Variants in CYP46A1 observed in about 807,000 individuals in gnomAD.
CYP46A1 encodes the protein cytochrome P450 family 46 subfamily A member 1, also known as cholesterol 24-hydroxylase.
CYP46A1 carries 20 observed loss-of-function variants against 63.3 expected under a neutral mutation model. The ratio of observed to expected loss-of-function variants is 0.32; its 90% CI spans 0.22 to 0.46. The LOEUF is 0.46. Among genes scored for constraint, CYP46A1 ranks in the 20% least tolerant of loss-of-function variants. The probability of loss-of-function intolerance (pLI) is 1.00; values close to 1 mark genes in which losing one functional copy is unlikely to be tolerated. For missense variants in CYP46A1, 445 were observed against 670.8 expected, an observed-to-expected ratio of 0.66 and a Z score of 3.72; for synonymous variants, 268 against 273.6, an observed-to-expected ratio of 0.98 and a Z score of 0.20.
intron 7 of CYP46A1, among the ~76,000 whole-genome samples, chr14:99,715,470 G>A (rs1165757116): frequency 3.9e-5 from 6 of 152,066 alleles, no homozygotes; most frequent in African/African-American, 1.4e-4. Flanking sequence ...GCAGTTGATC[G>A]CACTCTACTT....
At chr14:99,704,616 A>G (rs560340682) in intron 5 of CYP46A1, among the ~76,000 whole-genome samples, 1 of 152,374 alleles carries the variant, frequency 6.6e-6, no homozygotes, top group African/African-American at 2.4e-5. Flanking sequence ...TTTCTACAAT[A>G]GCTGCAAGAG....
chr14:99,704,575 A>G (rs1219419577), intron 5 of CYP46A1, among the ~76,000 whole-genome samples: 1 of 152,168 alleles, frequency 6.6e-6, no homozygotes, highest in East Asian at 1.9e-4. Context: ...TCAGGATTTT[A>G]TTGTTCACCT....
chr14:99,722,079 C>G lies in CYP46A1; in HGVS notation c.1176+13C>G. ...CACCCCGCTCTTGGTGGGTGGAGGC[C>G]CTGGGGGTCCTGGGGTGGGCTGGGC... On this transcript the variant is annotated intron_variant, in intron 12 of 14. Coordinates refer to ENST00000261835, the MANE Select transcript of CYP46A1 (RefSeq NM_006668.2). This position sits in a 1 kb window ranked among gnomAD's most constrained non-coding sequence, Gnocchi z 4.6. 3 of 1,594,176 alleles carry G rather than the reference C, an allele frequency of 1.9e-6. No homozygotes were observed. Among genetic ancestry groups the G allele is most frequent in the Non-Finnish European group, 2.6e-6 (3 of 1,165,710 alleles).
intron 1 of CYP46A1, among the ~76,000 whole-genome samples, chr14:99,688,705 T>C (rs1360434823): frequency 6.6e-6 from 1 of 152,178 alleles, no homozygotes; most frequent in Non-Finnish European, 1.5e-5. Context: ...CCGCCCCCTA[T>C]GGTAACCCAC....
intron 2 of CYP46A1, 74 bp downstream of exon 2, chr14:99,691,235 C>T: frequency 7.0e-7 from 1 of 1,426,138 alleles, no homozygotes; most frequent in Non-Finnish European, 9.9e-7. Context: ...CAATCCAGCA[C>T]ACAGACTCCC....
At chr14:99,718,531 C>G (rs2056814323) in intron 10 of CYP46A1, among the ~76,000 whole-genome samples, 1 of 152,204 alleles carries the variant, frequency 6.6e-6, no homozygotes, top group African/African-American at 2.4e-5. Context: ...GAGGATGGAG[C>G]AGAATCCCTG....
At chr14:99,697,254 G>A (rs2056594743) in intron 3 of CYP46A1, among the ~76,000 whole-genome samples, 1 of 152,004 alleles carries the variant, frequency 6.6e-6, no homozygotes. Context: ...CTTCTCCCTG[G>A]TACTTTGTCC....
intron 7 of CYP46A1, chr14:99,712,650 CACAA>C (rs1326945830): frequency 6.6e-6 from 1 of 152,092 alleles, no homozygotes; most frequent in Admixed American, 6.6e-5. Flanking sequence ...TTGAAGAAGA[CACAA>C]ACAAATGAAA....
At position 99,726,267 on chromosome 14, in the gene CYP46A1, C is replaced by G. The variant is rs1170962113; in HGVS notation, c.1332+11C>G. 1 of 1,612,510 alleles carries G rather than the reference C, an allele frequency of 6.2e-7. No individual in the cohort carries two copies. The highest frequency in any genetic ancestry group is 8.5e-7 in the Non-Finnish European group (1 of 1,179,704). ...CAGCAGTTTGCTCAGGTAGGAGGGG[C>G]AGGGCTGTGGTTCTGCCCAGGAGTA... On this transcript the variant is annotated intron_variant, in intron 14 of 14. Coordinates refer to ENST00000261835, the MANE Select transcript of CYP46A1 (RefSeq NM_006668.2).
chr14:99,703,927 A>T, intron 5 of CYP46A1: 1 of 970,954 alleles, frequency 1.0e-6, no homozygotes, highest in East Asian at 1.1e-4. Flanking sequence ...TTATTTAAGA[A>T]ATACTTATTG....
rs892620906 is a variant in CYP46A1 at position 99,700,175 on chromosome 14, T to C, written c.443+74T>C. On this transcript the variant is annotated intron_variant, in intron 5 of 14. Transcript: ENST00000261835. ...GGGGCTGCCGAAGTGTAGGTGGGCCTTGGGGAGGGAAGTGTCCACCCAAGG... is the reference window on the plus strand; with the variant it reads ...GGGGCTGCCGAAGTGTAGGTGGGCCCTGGGGAGGGAAGTGTCCACCCAAGG... 4.9e-6 allele frequency: 6 copies of C among 1,227,588 alleles called. No homozygotes were observed. The African/African-American group carries it at 9.1e-5, about 19-fold the overall frequency. The allele number at this position is 1,227,588 out of a possible 1,614,324, so 76.0% of individuals were successfully genotyped here.
At chr14:99,698,158 G>A (rs747594686) in intron 3 of CYP46A1, among the ~76,000 whole-genome samples, 4 of 152,016 alleles carry the variant, frequency 2.6e-5, no homozygotes, top group African/African-American at 9.7e-5. Flanking sequence ...TGGGTTAACC[G>A]ATAGTTGAGT....
At position 99,726,552 on chromosome 14, in the gene CYP46A1, C is replaced by T. The variant is rs913261185; in HGVS notation, c.1333-5C>T. ...TTCCTTCCTCATTTTGCCCGCTGGGCCCAGATGGAGGTGAAGGTGGTCATG... is the reference window on the plus strand; with the variant it reads ...TTCCTTCCTCATTTTGCCCGCTGGGTCCAGATGGAGGTGAAGGTGGTCATG... On this transcript the variant is annotated splice_region_variant and splice_polypyrimidine_tract_variant and intron_variant, in intron 14 of 14. Coordinates refer to ENST00000261835, the MANE Select transcript of CYP46A1 (RefSeq NM_006668.2). 1.3e-5 allele frequency: 20 copies of T among 1,571,270 alleles called. No homozygotes were observed. The Admixed American group carries it at 2.4e-4, about 19-fold the overall frequency.
At chr14:99,720,965 A>G (rs1470762937) in intron 10 of CYP46A1, among the ~76,000 whole-genome samples, 2 of 151,934 alleles carry the variant, frequency 1.3e-5, no homozygotes, top group African/African-American at 2.4e-5. Flanking sequence ...GGTGCCTGTA[A>G]TCCCAGCTAC....
intron 7 of CYP46A1, chr14:99,709,073 T>C (rs190775757): frequency 2.0e-5 from 3 of 152,162 alleles, no homozygotes; most frequent in Admixed American, 2.0e-4. Context: ...TCTTTCCCTA[T>C]GAAAGCCAAT....
At chr14:99,706,399 G>A (rs117533382) in intron 5 of CYP46A1, 6,162 of 467,322 alleles carry the variant, frequency 0.013, 73 homozygotes, top group Middle Eastern at 0.022. Flanking sequence ...GAGTACCTGT[G>A]GAACTGTTAG....
At chr14:99,697,425 G>C (rs2056596041) in intron 3 of CYP46A1, among the ~76,000 whole-genome samples, 1 of 152,182 alleles carries the variant, frequency 6.6e-6, no homozygotes, top group South Asian at 2.1e-4. Flanking sequence ...TCTGATCTCT[G>C]TCTATTCAAC....
At chr14:99,714,940 G>A (rs181615506) in intron 7 of CYP46A1, among the ~76,000 whole-genome samples, 10 of 152,214 alleles carry the variant, frequency 6.6e-5, no homozygotes, top group African/African-American at 2.4e-4. Flanking sequence ...ACATACGTGG[G>A]AGCTAAAAAA....
intron 5 of CYP46A1, among the ~76,000 whole-genome samples, chr14:99,705,551 T>G (rs2056668640): frequency 6.6e-6 from 1 of 152,212 alleles, no homozygotes; most frequent in Non-Finnish European, 1.5e-5. Flanking sequence ...GGAAATAATT[T>G]CAAATTTTCA....
Sources: gnomAD v4.1 joint callset for allele counts (sites outside exome capture counted in the v4.1 genomes callset) on GRCh38, gnomAD v4.1.1 for gene constraint, Gnocchi (gnomAD v3.1) non-coding constraint, MANE v1.5 for transcripts, NCBI Gene and HGNC (gene_info 2026-07-23, HGNC 2026-07-21) for gene names.